The following EPHA3 variants were observed in gnomAD, a reference collection of about 807,000 sequenced individuals.
The protein encoded by EPHA3 is EPH receptor A3.
A neutral mutation model predicts 107.1 loss-of-function variants in EPHA3; 42 were observed. That is an observed-to-expected ratio of 0.39 (90% CI 0.31 to 0.51). The LOEUF is 0.51. EPHA3 is among the 20% of genes least tolerant of loss of function. The probability of loss-of-function intolerance (pLI) is 0.78; values close to 1 mark genes in which losing one functional copy is unlikely to be tolerated. For synonymous variants in EPHA3, 461 were observed against 424.8 expected (o/e 1.09, Z -1.05); for missense variants, 1,183 against 1,211.2 (o/e 0.98, Z 0.35).
At chr3:89,150,110 A>T (rs536367125) in intron 2 of EPHA3, among the ~76,000 whole-genome samples, 1 of 151,972 alleles carries the variant, frequency 6.6e-6, no homozygotes, top group African/African-American at 2.4e-5. Context: ...ATGGGAAAGT[A>T]TATGATTCTT....
rs1373866775 is a variant in EPHA3 at position 89,304,334 on chromosome 3, A to G, written c.815-36582A>G. Among the ~76,000 whole-genome samples, 8 of 152,142 alleles carry G rather than the reference A, an allele frequency of 5.3e-5. No homozygotes were observed. In the East Asian group the frequency reaches 1.2e-3, roughly 22 times the overall value. On this transcript the variant is annotated intron_variant, in intron 3 of 16. Coordinates refer to ENST00000336596, the MANE Select transcript of EPHA3 (RefSeq NM_005233.6). ...TGATATTATTTGTTAAAATTAGTCA[A>G]TTGTTGTTTCTCTCCACTTCCCTCC... is the stretch of plus-strand genomic sequence containing the variant.
At chr3:89,303,705 A>G (rs1265182707) in intron 3 of EPHA3, among the ~76,000 whole-genome samples, 1 of 152,154 alleles carries the variant, frequency 6.6e-6, no homozygotes, top group African/African-American at 2.4e-5. Flanking sequence ...TGCTGCTTTG[A>G]TTAGTCTCTA....
chr3:89,364,241 G>T (rs1708148098), intron 5 of EPHA3, among the ~76,000 whole-genome samples: 1 of 150,680 alleles, frequency 6.6e-6, no homozygotes, highest in Non-Finnish European at 1.5e-5. Context: ...AATCATCTTT[G>T]GGTACTGCTA....
intron 10 of EPHA3, among the ~76,000 whole-genome samples, chr3:89,414,969 A>G (rs1382315855): frequency 6.6e-6 from 1 of 151,546 alleles, no homozygotes; most frequent in Non-Finnish European, 1.5e-5. Flanking sequence ...TTTTGCAGCC[A>G]ATATTCACAT....
At chr3:89,443,778 T>G (rs1296193965) in intron 13 of EPHA3, among the ~76,000 whole-genome samples, 1 of 152,060 alleles carries the variant, frequency 6.6e-6, no homozygotes, top group Non-Finnish European at 1.5e-5. Context: ...CATCCCAGAT[T>G]AGGCAGGATA....
rs34438291 is a variant in EPHA3 at position 89,222,326 on chromosome 3, CATATATATAT to C, written c.814+11825_814+11834del. Among the ~76,000 whole-genome samples, 583 of 138,524 alleles carry C rather than the reference CATATATATAT, an allele frequency of 4.2e-3. 2 individuals carry two copies. The highest frequency in any genetic ancestry group is 9.8e-3 in the African/African-American group (369 of 37,714). The allele number at this position is 138,524 out of a possible 152,430, so 90.9% of individuals were successfully genotyped here. On this transcript the variant is annotated intron_variant, in intron 3 of 16. Coordinates refer to ENST00000336596, the MANE Select transcript of EPHA3 (RefSeq NM_005233.6). ...TTTAAAAAGCTCATAAATACATATA[CATATATATAT>C]ATATATATATATATATATGTATATG...
intron 3 of EPHA3, among the ~76,000 whole-genome samples, chr3:89,244,040 G>C (rs529437885): frequency 6.6e-6 from 1 of 152,092 alleles, no homozygotes. Flanking sequence ...ATATGGTGCT[G>C]TGACTTGTCT....
chr3:89,234,929 C>T (rs1426810527), intron 3 of EPHA3, among the ~76,000 whole-genome samples: 2 of 146,438 alleles, frequency 1.4e-5, no homozygotes, highest in Non-Finnish European at 3.0e-5. Flanking sequence ...CCTTCCCTCC[C>T]TTCCTTCCTC....
chr3:89,450,451 C>A, intron 15 of EPHA3, 81 bp downstream of exon 15: 1 of 1,357,468 alleles, frequency 7.4e-7, no homozygotes, highest in Admixed American at 1.9e-5. Flanking sequence ...TTTTAGCCCA[C>A]CCCCAAAATG....
At chr3:89,239,530 T>C (rs907191411) in intron 3 of EPHA3, among the ~76,000 whole-genome samples, 1 of 152,178 alleles carries the variant, frequency 6.6e-6, no homozygotes, top group African/African-American at 2.4e-5. Flanking sequence ...GTGCAGTATA[T>C]ATTTTAACAT....
Position 89,366,322 on chromosome 3 carries a change from T to C in EPHA3, c.1306+24232T>C, listed in dbSNP as rs552957375. ...ATTGAATAAAGGAGCAAGGGGGGAG[T>C]TGTAGCTCACTCAAACATGAGAATA... On this transcript the variant is annotated intron_variant, in intron 5 of 16. Coordinates refer to ENST00000336596, the MANE Select transcript of EPHA3 (RefSeq NM_005233.6). Among the ~76,000 whole-genome samples the C allele has an allele frequency of 4.5e-4, 68 of 149,452 alleles. 2 individuals are homozygous for C. The Middle Eastern group carries it at 0.01, about 23-fold the overall frequency.
At position 89,345,722 on chromosome 3, in the gene EPHA3, C is replaced by T. The variant is rs566171244; in HGVS notation, c.1306+3632C>T. ...TGCTGGTGCGCTGCACCCACTAACT[C>T]GTCATCTAGCATTAGGTATATCTCC... On this transcript the variant is annotated intron_variant, in intron 5 of 16. Coordinates refer to ENST00000336596, the MANE Select transcript of EPHA3 (RefSeq NM_005233.6). 5.3e-4 allele frequency among the ~76,000 whole-genome samples: 77 copies of T among 143,980 alleles called. 1 individual carries two copies. Among genetic ancestry groups the T allele is most frequent in the Non-Finnish European group, 1.0e-3 (66 of 65,092 alleles). The allele number at this position is 143,980 out of a possible 152,430, so 94.5% of individuals were successfully genotyped here. A position where few individuals can be genotyped will look rare whatever the true frequency, so the allele number is the denominator to read the frequency against.
At chr3:89,247,122 C>A (rs2107256113) in intron 3 of EPHA3, among the ~76,000 whole-genome samples, 1 of 152,178 alleles carries the variant, frequency 6.6e-6, no homozygotes, top group Non-Finnish European at 1.5e-5. Context: ...AAATCCCAGT[C>A]ATCATTACCA....
chr3:89,421,512 GA>G, intron 11 of EPHA3, among the ~76,000 whole-genome samples: 1 of 151,126 alleles, frequency 6.6e-6, no homozygotes, highest in East Asian at 2.0e-4. Context: ...TTTTTAGCTT[GA>G]ATAGAATCAT....
intron 3 of EPHA3, among the ~76,000 whole-genome samples, chr3:89,255,409 C>T (rs1327345549): frequency 1.2e-4 from 18 of 152,316 alleles, no homozygotes; most frequent in Admixed American, 1.2e-3. Flanking sequence ...CCTAGCAGGC[C>T]AAATTCTGCC....
chr3:89,287,401 C>T (rs1276531687), intron 3 of EPHA3, among the ~76,000 whole-genome samples: 2 of 152,006 alleles, frequency 1.3e-5, no homozygotes, highest in African/African-American at 4.8e-5. Context: ...TGTCCTTTTA[C>T]CATCATGTTG....
At chr3:89,431,092 A>G in intron 12 of EPHA3, 58 bp from the exon 13 acceptor site, 1 of 1,544,568 alleles carries the variant, frequency 6.5e-7, no homozygotes, top group Non-Finnish European at 8.8e-7. Flanking sequence ...TAACCAATAA[A>G]GATATATCTT....
intron 3 of EPHA3, among the ~76,000 whole-genome samples, chr3:89,321,882 A>G (rs1707051719): frequency 2.6e-5 from 4 of 152,124 alleles, no homozygotes; most frequent in African/African-American, 9.7e-5. Flanking sequence ...TGCTGCTTCT[A>G]GTATCATGGT....
In EPHA3 at chr3:89,479,810, C is replaced by A; in HGVS notation, c.*308C>A. 1 of 268,842 alleles carries A rather than the reference C, an allele frequency of 3.7e-6. No homozygotes were observed. The highest frequency in any genetic ancestry group is 7.1e-6 in the Non-Finnish European group (1 of 141,152). 16.7% of individuals were successfully genotyped at this position (268,842 alleles called of 1,614,324 possible). A position where few individuals can be genotyped will look rare whatever the true frequency, so the allele number is the denominator to read the frequency against. On this transcript the variant is annotated 3_prime_UTR_variant, in exon 17 of 17. Transcript: ENST00000336596. ...TAGCCATTGATCATAAACTGACTAT[C>A]ATAAAATCAAAACAAGTGAAATAAC...
Sources: gnomAD v4.1 joint callset for allele counts (sites outside exome capture counted in the v4.1 genomes callset) on GRCh38, gnomAD v4.1.1 for gene constraint, MANE v1.5 for transcripts, NCBI Gene and HGNC (gene_info 2026-07-23, HGNC 2026-07-21) for gene names.